The following PLAC1 variants were observed in gnomAD, a reference collection of about 807,000 sequenced individuals.
PLAC1 encodes placenta-specific protein 1.
For synonymous variants in PLAC1, 68 were observed against 62.1 expected, an observed-to-expected ratio of 1.09 and a Z score of -0.44; for missense variants, 136 against 163.2, an observed-to-expected ratio of 0.83 and a Z score of 0.91.
intron 2 of PLAC1, among the ~76,000 whole-genome samples, chrX:134,726,620 C>A (rs753792346): frequency 9.1e-6 from 1 of 110,309 alleles, no homozygotes; most frequent in South Asian, 3.9e-4. Context: ...GTCAGGAGAT[C>A]GAGACCATCC....
chrX:134,707,390 G>A (rs1007814879), intron 2 of PLAC1, among the ~76,000 whole-genome samples: 2 of 112,223 alleles, frequency 1.8e-5, no homozygotes, highest in Admixed American at 1.9e-4. Flanking sequence ...GTGCCATGTT[G>A]GTTTGCTGCA....
At chrX:134,699,397 G>GA (rs916961947) in intron 2 of PLAC1, among the ~76,000 whole-genome samples, 2 of 111,709 alleles carry the variant, frequency 1.8e-5, no homozygotes, top group Non-Finnish European at 3.8e-5. Flanking sequence ...CTTGGAAGTG[G>GA]AAAAAAGGCC....
chrX:134,638,874 T>A (rs1296825859), intron 1 of PLAC1, among the ~76,000 whole-genome samples: 1 of 111,513 alleles, frequency 9.0e-6, no homozygotes, highest in Non-Finnish European at 1.9e-5. Context: ...TACAGATTAT[T>A]TCACCACCCA....
chrX:134,716,976 A>G (rs1007260067), intron 2 of PLAC1, among the ~76,000 whole-genome samples: 3 of 112,203 alleles, frequency 2.7e-5, no homozygotes, highest in African/African-American at 6.5e-5. Flanking sequence ...TGCCTCACCC[A>G]TAATAAATCC....
At chrX:134,732,242 G>A (rs760770770) in intron 2 of PLAC1, among the ~76,000 whole-genome samples, 1 of 111,378 alleles carries the variant, frequency 9.0e-6, no homozygotes, top group African/African-American at 3.3e-5. Context: ...AGAAGCCCAA[G>A]ATTAGGCCAT....
At chrX:134,659,762 G>A (rs150496393), upstream of PLAC1, among the ~76,000 whole-genome samples, 82 of 112,113 alleles carry the variant, frequency 7.3e-4, 1 homozygote, top group East Asian at 0.022. Flanking sequence ...GAAATTAGTG[G>A]CAAAAACTGC....
chrX:134,731,563 C>T (rs969086054), intron 2 of PLAC1, among the ~76,000 whole-genome samples: 32 of 112,068 alleles, frequency 2.9e-4, no homozygotes, highest in Non-Finnish European at 5.8e-4. Context: ...AGTACTTGGC[C>T]TAGCTGGAAC....
At chrX:134,664,856 T>A (rs1451493522) in intron 2 of PLAC1, among the ~76,000 whole-genome samples, 1 of 112,011 alleles carries the variant, frequency 8.9e-6, no homozygotes, top group East Asian at 2.8e-4. Context: ...ATATCTAAAA[T>A]GTCTCTACTG....
intron 2 of PLAC1, among the ~76,000 whole-genome samples, chrX:134,698,532 T>A (rs1212361161): frequency 8.9e-6 from 1 of 112,250 alleles, no homozygotes; most frequent in Non-Finnish European, 1.9e-5. Flanking sequence ...CTTATTAGGA[T>A]AAATTGCTGG....
chrX:134,605,725 G>A (rs952691544), intron 1 of PLAC1: 3 of 111,782 alleles, frequency 2.7e-5, no homozygotes, highest in African/African-American at 6.5e-5. Flanking sequence ...CCATCTCCCC[G>A]GGGGGGATGG....
intron 2 of PLAC1, among the ~76,000 whole-genome samples, chrX:134,713,284 G>A (rs1345252467): frequency 8.9e-6 from 1 of 112,334 alleles, no homozygotes; most frequent in African/African-American, 3.2e-5. Context: ...GCCATGCACC[G>A]ATGAAAAATA....
At chrX:134,721,996 A>G (rs747529595) in intron 2 of PLAC1, among the ~76,000 whole-genome samples, 1 of 112,565 alleles carries the variant, frequency 8.9e-6, no homozygotes, top group Non-Finnish European at 1.9e-5. Flanking sequence ...AATGTCTGGC[A>G]TTTCCTCAAA....
chrX:134,663,276 T>A (rs146813771), upstream of PLAC1, among the ~76,000 whole-genome samples: 1,210 of 113,136 alleles, frequency 0.011, 8 homozygotes, highest in Non-Finnish European at 0.017. Context: ...TGCTTGTTTG[T>A]TAATTGCCAC....
intron 2 of PLAC1, among the ~76,000 whole-genome samples, chrX:134,732,939 G>A (rs1195213731): frequency 2.7e-5 from 3 of 111,253 alleles, no homozygotes; most frequent in East Asian, 2.8e-4. Context: ...GAAGAGAGAC[G>A]GCGAGGGGCC....
At chrX:134,735,971 A>AG (rs1310050266) in intron 1 of PLAC1, among the ~76,000 whole-genome samples, 4 of 109,629 alleles carry the variant, frequency 3.6e-5, no homozygotes, top group Non-Finnish European at 7.6e-5. Context: ...AAAAAAAAAA[A>AG]AAAAAGAAGA....
intron 1 of PLAC1, among the ~76,000 whole-genome samples, chrX:134,758,342 A>C (rs768856684): frequency 2.7e-4 from 30 of 112,145 alleles, no homozygotes; most frequent in Non-Finnish European, 5.6e-4. Flanking sequence ...CCAAGTAACC[A>C]AAACAATCCT....
chrX:134,745,935 C>G (rs1397892540), intron 1 of PLAC1, among the ~76,000 whole-genome samples: 1 of 111,894 alleles, frequency 8.9e-6, no homozygotes, highest in Non-Finnish European at 1.9e-5. Flanking sequence ...CATGCTCTCC[C>G]TTTGTTGCAA....
At chrX:134,593,548 C>T (rs1432887692) in intron 2 of PLAC1, among the ~76,000 whole-genome samples, 1 of 112,102 alleles carries the variant, frequency 8.9e-6, no homozygotes, top group Non-Finnish European at 1.9e-5. Flanking sequence ...ACATGGTATG[C>T]TTCTCCATTG....
upstream of PLAC1, among the ~76,000 whole-genome samples, chrX:134,659,446 G>A (rs949306609): frequency 5.4e-5 from 6 of 111,424 alleles, no homozygotes; most frequent in Admixed American, 1.9e-4. Flanking sequence ...TATCCTGGGC[G>A]AAGGGTTTGA....
Sources: allele counts gnomAD v4.1 joint callset (sites outside exome capture counted in the v4.1 genomes callset), GRCh38; gene constraint gnomAD v4.1.1; transcripts MANE v1.5; gene names NCBI Gene and HGNC (gene_info 2026-07-23, HGNC 2026-07-21).